The following OPCML variants were observed in gnomAD, a reference collection of about 807,000 sequenced individuals.
OPCML encodes the protein opioid-binding protein/cell adhesion molecule.
Under a neutral mutation model 37.8 loss-of-function variants are expected in OPCML, and 13 were observed. The observed-to-expected ratio is 0.34, with a 90% CI of 0.22 to 0.55. OPCML has a LOEUF of 0.55. Among genes scored for constraint, OPCML ranks in the 20% least tolerant of loss-of-function variants. The pLI is 0.91. For missense variants in OPCML, 341 were observed against 435.6 expected (o/e 0.78, Z 1.93); for synonymous variants, 176 against 168.8 (o/e 1.04, Z -0.33).
At chr11:132,704,085 G>C in intron 2 of OPCML, among the ~76,000 whole-genome samples, 1 of 152,110 alleles carries the variant, frequency 6.6e-6, no homozygotes, top group Non-Finnish European at 1.5e-5. Context: ...GTGTCTGTTG[G>C]AGTTTGAAGC....
At chr11:132,704,489 C>T (rs561819038) in intron 2 of OPCML, among the ~76,000 whole-genome samples, 1 of 151,874 alleles carries the variant, frequency 6.6e-6, no homozygotes, top group Non-Finnish European at 1.5e-5. Flanking sequence ...AGTGGGCACT[C>T]CCAAAAAATG....
chr11:133,531,833 A>C (rs2120778613), intron 1 of OPCML, among the ~76,000 whole-genome samples: 1 of 152,218 alleles, frequency 6.6e-6, no homozygotes, highest in African/African-American at 2.4e-5. Context: ...AAACAGAGAG[A>C]GACCACCACG....
chr11:132,446,206 G>A (rs552613693), intron 4 of OPCML, among the ~76,000 whole-genome samples: 12 of 146,568 alleles, frequency 8.2e-5, no homozygotes, highest in African/African-American at 3.1e-4. Flanking sequence ...TGACTCATTG[G>A]GAGTGGTTCT....
chr11:132,662,720 T>G (rs140644420), intron 2 of OPCML, among the ~76,000 whole-genome samples: 1 of 152,210 alleles, frequency 6.6e-6, no homozygotes, highest in African/African-American at 2.4e-5. Flanking sequence ...CGTTGAATGG[T>G]TGAATGTTTA....
rs1248843565 is a variant in OPCML at position 132,416,936 on chromosome 11, T to G, written c.*3257A>C. On this transcript the variant is annotated 3_prime_UTR_variant, in exon 8 of 8. Transcript: ENST00000524381. The stretch of plus-strand genomic sequence containing the variant: ...TGCAGCCTTAACACGAGCACTTTCA[T>G]TGGCATTACTTTGGTGGAAGTGCAT... 2 of 152,618 alleles carry G rather than the reference T, an allele frequency of 1.3e-5. No homozygotes were observed. Among genetic ancestry groups the G allele is most frequent in the African/African-American group, 4.8e-5 (2 of 41,460 alleles). The allele number at this position is 152,618 out of a possible 1,614,324, so 9.5% of individuals were successfully genotyped here.
chr11:132,940,492 A>C (rs1390250218), intron 2 of OPCML, among the ~76,000 whole-genome samples: 1 of 152,234 alleles, frequency 6.6e-6, no homozygotes, highest in African/African-American at 2.4e-5. Flanking sequence ...AAGAAACCAC[A>C]CTTAAGAATT....
intron 1 of OPCML, among the ~76,000 whole-genome samples, chr11:133,373,362 A>G (rs1944718228): frequency 6.6e-6 from 1 of 150,456 alleles, no homozygotes. Context: ...CAGGAGTTTG[A>G]GACCAGCCTG....
intron 1 of OPCML, among the ~76,000 whole-genome samples, chr11:133,265,363 A>G (rs1490323251): frequency 4.6e-5 from 7 of 152,146 alleles, no homozygotes; most frequent in African/African-American, 1.7e-4. Flanking sequence ...AGGGTCTGAT[A>G]TATTGGCGTT....
chr11:133,258,263 T>A (rs1044827580), intron 1 of OPCML, among the ~76,000 whole-genome samples: 4 of 152,210 alleles, frequency 2.6e-5, no homozygotes, highest in African/African-American at 9.7e-5. Context: ...GCAGTCAGTA[T>A]AGAGTGGCAA....
chr11:132,928,470 A>T (rs1176409355), intron 2 of OPCML, among the ~76,000 whole-genome samples: 1 of 152,078 alleles, frequency 6.6e-6, no homozygotes, highest in Non-Finnish European at 1.5e-5. Context: ...ATCTGAATAT[A>T]TGAAACTAAG....
intron 7 of OPCML, among the ~76,000 whole-genome samples, chr11:132,424,232 G>T (rs748926818): frequency 2.0e-5 from 3 of 151,736 alleles, no homozygotes; most frequent in Non-Finnish European, 4.4e-5. Flanking sequence ...CCGTTCTCCT[G>T]CCTCATCCTC....
intron 4 of OPCML, among the ~76,000 whole-genome samples, chr11:132,493,701 C>T (rs368761658): frequency 5.9e-5 from 9 of 152,296 alleles, no homozygotes; most frequent in Middle Eastern, 3.4e-3. Flanking sequence ...AAAAGAATTG[C>T]CAATTTTGAA....
Position 132,917,399 on chromosome 11 carries a change from G to C in OPCML, c.146+25527C>G, listed in dbSNP as rs1256105594. ...CTGGGCATCAGGAATATATGCTCTGGTTCACTCTGGAGTAGTTAGCATGTT... is the reference window on the plus strand; with the variant it reads ...CTGGGCATCAGGAATATATGCTCTGCTTCACTCTGGAGTAGTTAGCATGTT... On this transcript the variant is annotated intron_variant, in intron 2 of 7. Transcript: ENST00000524381. 2.7e-5 allele frequency among the ~76,000 whole-genome samples: 4 copies of C among 147,196 alleles called. No individual in the cohort carries two copies. In the East Asian group the frequency reaches 8.0e-4, roughly 29 times the overall value.
At chr11:132,738,703 T>C (rs1193462549) in intron 2 of OPCML, among the ~76,000 whole-genome samples, 2 of 152,198 alleles carry the variant, frequency 1.3e-5, no homozygotes, top group Non-Finnish European at 2.9e-5. Flanking sequence ...CGGCTCCTGG[T>C]GTTTTGAAAA....
chr11:132,629,956 T>A (rs530286448), intron 3 of OPCML, among the ~76,000 whole-genome samples: 1 of 152,296 alleles, frequency 6.6e-6, no homozygotes, highest in Admixed American at 6.5e-5. Flanking sequence ...TCTAATCCAC[T>A]TAGTATGAAC....
At chr11:133,213,303 A>T (rs1245891702) in intron 1 of OPCML, among the ~76,000 whole-genome samples, 3 of 150,570 alleles carry the variant, frequency 2.0e-5, no homozygotes, top group African/African-American at 7.3e-5. Context: ...AAGCAAAAGG[A>T]TGACCTTAAT....
intron 2 of OPCML, among the ~76,000 whole-genome samples, chr11:132,765,458 T>C (rs988266324): frequency 3.3e-5 from 5 of 152,206 alleles, no homozygotes; most frequent in African/African-American, 1.2e-4. Context: ...CTATGGTGGC[T>C]CTCCATGTAA....
chr11:133,254,171 C>T (rs937606281), intron 1 of OPCML, among the ~76,000 whole-genome samples: 2 of 152,122 alleles, frequency 1.3e-5, no homozygotes, highest in African/African-American at 4.8e-5. Context: ...AGGGAATATT[C>T]AGAGAGCAGA....
chr11:132,509,745 T>G lies in OPCML; in HGVS notation c.505+19316A>C, dbSNP rs1015923629. On this transcript the variant is annotated intron_variant, in intron 4 of 7. Coordinates refer to ENST00000524381, the MANE Select transcript of OPCML (RefSeq NM_001012393.5). ...TTTCACCTAGATTTCAGAAGATGTA[T>G]GGAAATGCTTGGATGCCCAGGCAAA... Among the ~76,000 whole-genome samples the G allele has an allele frequency of 2.2e-4, 33 of 152,134 alleles. No homozygotes were observed. The South Asian group carries it at 3.9e-3, about 18-fold the overall frequency.
Sources: allele counts gnomAD v4.1 joint callset (sites outside exome capture counted in the v4.1 genomes callset), GRCh38; gene constraint gnomAD v4.1.1; transcripts MANE v1.5; gene names NCBI Gene and HGNC (gene_info 2026-07-23, HGNC 2026-07-21).